Variants in SEMA4D observed in about 807,000 individuals in gnomAD.
SEMA4D encodes semaphorin-4D.
Under a neutral mutation model 74.8 loss-of-function variants are expected in SEMA4D, and 22 were observed. The ratio of observed to expected loss-of-function variants is 0.29; its 90% confidence interval spans 0.21 to 0.42. The LOEUF (loss-of-function observed/expected upper bound fraction) is 0.42. SEMA4D is among the 10% of genes least tolerant of loss of function. The probability of loss-of-function intolerance (pLI) is 1.00; values close to 1 mark genes in which losing one functional copy is unlikely to be tolerated. For synonymous variants in SEMA4D, 445 were observed against 463.7 expected, an observed-to-expected ratio of 0.96 and a Z score of 0.52; for missense variants, 937 against 1,118.4, an observed-to-expected ratio of 0.84 and a Z score of 2.31.
At chr9:89,409,004 A>G (rs12554450) in intron 2 of SEMA4D, among the ~76,000 whole-genome samples, 2,155 of 152,330 alleles carry the variant, frequency 0.014, 23 homozygotes, top group Non-Finnish European at 0.024. Context: ...AGGCGTGCCA[A>G]CCACACAGGA....
chr9:89,449,324 A>G (rs1853749381), intron 2 of SEMA4D, among the ~76,000 whole-genome samples: 1 of 152,270 alleles, frequency 6.6e-6, no homozygotes, highest in African/African-American at 2.4e-5. Context: ...GGGCCTGAGC[A>G]GGAGAGGAAG....
Position 89,386,466 on chromosome 9 carries a change from G to A in SEMA4D, c.1347C>T (p.His449=). The change falls in exon 13 of 16, where the codon CAC becomes CAT. Residue 449 remains histidine (H), a synonymous_variant. Coordinates refer to ENST00000422704, the MANE Select transcript of SEMA4D (RefSeq NM_001371194.2). ...CAGCGTGCTCGAGGCTGATGGCTTT[G>A]TGCAGAGCTCCCCGGTCTGCAGGGC... is the stretch of plus-strand genomic sequence containing the variant. ...MFVSTDRGAL[H]KAISLEHAVH... is the part of the protein sequence containing the mutation. 4.3e-6 allele frequency: 7 copies of A among 1,613,922 alleles called. No individual in the cohort carries two copies. The highest frequency in any genetic ancestry group is 5.9e-6 in the Non-Finnish European group (7 of 1,179,830).
At chr9:89,387,147 G>A (rs1395263921) in intron 12 of SEMA4D, 3 of 502,082 alleles carry the variant, frequency 6.0e-6, no homozygotes, top group African/African-American at 3.9e-5. Context: ...CCCAGCCACA[G>A]GCCAGGACTT....
intron 1 of SEMA4D, among the ~76,000 whole-genome samples, chr9:89,481,374 G>A (rs1218552320): frequency 1.3e-5 from 2 of 152,208 alleles, no homozygotes; most frequent in East Asian, 3.8e-4. Flanking sequence ...TGGAAACAGG[G>A]TGCCACGTGG....
At chr9:89,455,311 G>A (rs973187435) in intron 2 of SEMA4D, among the ~76,000 whole-genome samples, 1 of 152,226 alleles carries the variant, frequency 6.6e-6, no homozygotes, top group Non-Finnish European at 1.5e-5. Context: ...GGCAGCCCAG[G>A]GGGCTGTCCC....
intron 1 of SEMA4D, among the ~76,000 whole-genome samples, chr9:89,462,071 TAGTGATGCATTA>T (rs1327854129): frequency 2.6e-5 from 4 of 152,208 alleles, no homozygotes; most frequent in Admixed American, 2.0e-4. Flanking sequence ...CTGCTTTTCC[TAGTGATGCATTA>T]AACGTGGTTT....
In SEMA4D at chr9:89,378,824, G is replaced by T. The variant is rs369342289; in HGVS notation, c.2469C>A (p.Thr823=). ...CCTCCCTATCCGTGGGGACTTTGCT[G>T]GTGATGGTGTCTTGCTCGGTCTCAT... ...TGYETEQDTI[T]SKVPTDREDS... Residue 823 remains threonine, a synonymous_variant, in exon 16 of 16, where the codon ACC becomes ACA. Transcript: ENST00000422704. 6.8e-6 allele frequency: 11 copies of T among 1,614,050 alleles called. No individual in the cohort carries two copies. The highest frequency in any genetic ancestry group is 1.3e-5 in the African/African-American group (1 of 74,924).
chr9:89,387,546 C>T lies in SEMA4D; in HGVS notation c.1170G>A (p.Thr390=), dbSNP rs750682549. The part of the protein sequence containing the change: ...YTSSLNLPDK[T]LQFVKDHPLM... ...AAGGGTGGTCTTTAACGAACTGCAGCGTCTTGTCTGGCAAATTCAAGGAGC... is the reference window on the plus strand; with the variant it reads ...AAGGGTGGTCTTTAACGAACTGCAGTGTCTTGTCTGGCAAATTCAAGGAGC... Residue 390 remains threonine (T), a synonymous_variant, in exon 12 of 16, where the codon ACG becomes ACA. Transcript: ENST00000422704. 31 of 1,614,106 alleles carry T rather than the reference C, an allele frequency of 1.9e-5. No homozygotes were observed. Among genetic ancestry groups the T allele is most frequent in the South Asian group, 6.6e-5 (6 of 91,092 alleles).
At chr9:89,369,484 CA>C (rs1229708046) in intron 16 of SEMA4D, 1 of 152,262 alleles carries the variant, frequency 6.6e-6, no homozygotes, top group Non-Finnish European at 1.5e-5. Context: ...AGGGCCCTGA[CA>C]GGGTAAAGAC....
chr9:89,406,045 G>T, intron 2 of SEMA4D: 1 of 613,260 alleles, frequency 1.6e-6, no homozygotes, highest in Non-Finnish European at 2.1e-6. Flanking sequence ...AGCTGGTAAT[G>T]AGATGAAAAT....
intron 1 of SEMA4D, among the ~76,000 whole-genome samples, chr9:89,463,468 G>A (rs1010979828): frequency 5.3e-5 from 8 of 152,154 alleles, no homozygotes; most frequent in African/African-American, 1.7e-4. Context: ...GGCTACTTGG[G>A]GGCTTTTCAT....
rs954635772 is a variant in SEMA4D at position 89,392,597 on chromosome 9, A to G, written c.509-61T>C. ...CAACCTCTCAGGCTATGGCACCAAC[A>G]CTGGGACAAACATTCAACACGGTGT... On this transcript the variant is annotated intron_variant, in intron 7 of 15. Coordinates refer to ENST00000422704, the MANE Select transcript of SEMA4D (RefSeq NM_001371194.2). 69 of 988,436 alleles carry G rather than the reference A, an allele frequency of 7.0e-5. 1 individual carries two copies. The Admixed American group carries it at 1.1e-3, about 15-fold the overall frequency. The allele number at this position is 988,436 out of a possible 1,614,324, so 61.2% of individuals were successfully genotyped here. A position where few individuals can be genotyped will look rare whatever the true frequency, so the allele number is the denominator to read the frequency against.
chr9:89,386,533 A>G, intron 12 of SEMA4D, 51 bp from the exon 13 acceptor site: 1 of 1,268,566 alleles, frequency 7.9e-7, no homozygotes, highest in Non-Finnish European at 1.2e-6. Flanking sequence ...CACAGAAACC[A>G]AGGACAGTGA....
At chr9:89,396,424 C>G (rs911200029) in intron 6 of SEMA4D, among the ~76,000 whole-genome samples, 6 of 152,236 alleles carry the variant, frequency 3.9e-5, no homozygotes, top group Admixed American at 2.0e-4. Context: ...GCTGTCTGTA[C>G]TTTCCAGCAC....
At chr9:89,480,073 G>C (rs1862809803) in intron 1 of SEMA4D, among the ~76,000 whole-genome samples, 1 of 152,128 alleles carries the variant, frequency 6.6e-6, no homozygotes, top group Non-Finnish European at 1.5e-5. Flanking sequence ...TCCACACACA[G>C]GTTCTCCAAG....
downstream of SEMA4D, among the ~76,000 whole-genome samples, chr9:89,375,540 A>C (rs1027171808): frequency 6.6e-6 from 1 of 152,234 alleles, no homozygotes; most frequent in Non-Finnish European, 1.5e-5. Context: ...TAAAACTCTC[A>C]GGAGCTACTG....
At chr9:89,363,117 G>C (rs1332022983) in intron 18 of SEMA4D, among the ~76,000 whole-genome samples, 1 of 152,190 alleles carries the variant, frequency 6.6e-6, no homozygotes, top group African/African-American at 2.4e-5. Flanking sequence ...TGAGTGCTCT[G>C]TACAGAGAAT....
chr9:89,422,767 A>C (rs1197730086), intron 2 of SEMA4D, among the ~76,000 whole-genome samples: 1 of 152,210 alleles, frequency 6.6e-6, no homozygotes. Context: ...GTGATGTTAC[A>C]GAGGTCTAGG....
At chr9:89,456,722 G>C (rs1278410608) in intron 1 of SEMA4D, among the ~76,000 whole-genome samples, 1 of 152,176 alleles carries the variant, frequency 6.6e-6, no homozygotes, top group Non-Finnish European at 1.5e-5. Context: ...GAGTAGCTGA[G>C]CTTAAAGGCA....
Sources: allele counts gnomAD v4.1 joint callset (sites outside exome capture counted in the v4.1 genomes callset), GRCh38; gene constraint gnomAD v4.1.1; transcripts MANE v1.5; gene names NCBI Gene and HGNC (gene_info 2026-07-23, HGNC 2026-07-21).